MCC: variants seen among roughly 807,000 people sequenced by gnomAD.
The protein encoded by MCC is MCC regulator of Wnt signaling pathway.
A neutral mutation model predicts 116.2 loss-of-function variants in MCC; 90 were observed. The observed-to-expected ratio is 0.77, with a 90% CI of 0.65 to 0.92. The LOEUF (loss-of-function observed/expected upper bound fraction) is 0.92, where lower values mean the gene tolerates loss of function less well. Among genes scored for constraint, MCC ranks in the 40% least tolerant of loss-of-function variants. The pLI, the probability that MCC is intolerant of heterozygous loss-of-function variation, is 0.00. For missense variants in MCC, 1,516 were observed against 1,312.2 expected (o/e 1.16, Z -2.40); for synonymous variants, 578 against 510.5 (o/e 1.13, Z -1.78).
At chr5:113,474,391 G>A (rs675353) in intron 1 of MCC, among the ~76,000 whole-genome samples, 55,804 of 152,094 alleles carry the variant, frequency 0.37, 12,832 homozygotes, top group East Asian at 0.68. Context: ...GCGAGAGAAA[G>A]GCACTTACTG....
intron 4 of MCC, among the ~76,000 whole-genome samples, chr5:113,145,772 ACACACACACACAAACACACAC>A (rs1759471346): frequency 7.0e-5 from 1 of 14,242 alleles, no homozygotes; most frequent in Non-Finnish European, 1.9e-4. Flanking sequence ...ACACACACAC[ACACACACACACAAACACACAC>A]ACACACACAC....
At chr5:113,342,886 G>A (rs1047578464) in intron 2 of MCC, among the ~76,000 whole-genome samples, 16 of 152,312 alleles carry the variant, frequency 1.1e-4, no homozygotes, top group African/African-American at 3.6e-4. Context: ...CACAAACAAC[G>A]GTCTATGCAC....
At chr5:113,069,932 G>C (rs979385601) in intron 12 of MCC, among the ~76,000 whole-genome samples, 1 of 152,198 alleles carries the variant, frequency 6.6e-6, no homozygotes, top group Non-Finnish European at 1.5e-5. Context: ...TTAAGACAAA[G>C]GGCTGAAATG....
intron 3 of MCC, among the ~76,000 whole-genome samples, chr5:113,322,258 A>C (rs962999589): frequency 6.6e-6 from 1 of 152,210 alleles, no homozygotes; most frequent in East Asian, 1.9e-4. Context: ...TGGTGGGGAA[A>C]GTCTATAAGT....
intron 3 of MCC, among the ~76,000 whole-genome samples, chr5:113,327,559 A>ATATATATATATATATATATATATATAT (rs1186361820): frequency 1.2e-5 from 1 of 81,068 alleles, no homozygotes; most frequent in Non-Finnish European, 2.6e-5. Context: ...AAAAAAAAAA[A>ATATATATATATATATATATATATATAT]AAATATATAT....
intron 1 of MCC, among the ~76,000 whole-genome samples, chr5:113,402,914 C>G (rs1382003888): frequency 6.6e-6 from 1 of 152,116 alleles, no homozygotes; most frequent in Non-Finnish European, 1.5e-5. Flanking sequence ...TCTGCCTCAG[C>G]CTTCACACCC....
At chr5:113,413,071 G>A (rs183021773) in intron 1 of MCC, among the ~76,000 whole-genome samples, 143 of 152,268 alleles carry the variant, frequency 9.4e-4, no homozygotes, top group Admixed American at 2.0e-3. Context: ...GATGGATTAC[G>A]TTGATTGATT....
chr5:113,333,843 G>GTACATATATGTA (rs1561527876), intron 3 of MCC, among the ~76,000 whole-genome samples: 2 of 99,162 alleles, frequency 2.0e-5, no homozygotes, highest in African/African-American at 9.3e-5. Flanking sequence ...ATGTATATAT[G>GTACATATATGTA]TATATATGTA....
At chr5:113,250,386 A>T (rs1053343174) in intron 3 of MCC, among the ~76,000 whole-genome samples, 2 of 152,190 alleles carry the variant, frequency 1.3e-5, no homozygotes, top group African/African-American at 4.8e-5. Context: ...AGAAAAGGAG[A>T]TGTAGGAAAA....
At chr5:113,091,083 T>C (rs1177134162) in intron 8 of MCC, among the ~76,000 whole-genome samples, 2 of 152,134 alleles carry the variant, frequency 1.3e-5, no homozygotes, top group African/African-American at 4.8e-5. Context: ...GCTCGACCCA[T>C]AGGTGAAAAG....
chr5:113,259,635 A>C (rs1027320513), intron 3 of MCC, among the ~76,000 whole-genome samples: 1 of 152,196 alleles, frequency 6.6e-6, no homozygotes, highest in Non-Finnish European at 1.5e-5. Flanking sequence ...GAGTGCGGCC[A>C]GGAGAAGCAC....
At position 113,239,347 on chromosome 5, in the gene MCC, T is replaced by C. The variant is rs193287282; in HGVS notation, c.628-87925A>G. ...TCTCTTTCGGAGATAAATTGGGTAA[T>C]AGGAGTTTGGAATCCCAAAAGGGCA... On this transcript the variant is annotated intron_variant, in intron 3 of 18. Transcript: ENST00000408903. Among the ~76,000 whole-genome samples the C allele has an allele frequency of 4.4e-3, 667 of 152,244 alleles. 6 individuals carry two copies. The highest frequency in any genetic ancestry group is 0.015 in the African/African-American group (643 of 41,564).
chr5:113,313,449 A>G (rs1767188249), intron 3 of MCC, among the ~76,000 whole-genome samples: 1 of 152,222 alleles, frequency 6.6e-6, no homozygotes, highest in South Asian at 2.1e-4. Context: ...GCTTGAGGAA[A>G]TTATGGCTCC....
chr5:113,240,954 C>A (rs1005712138), intron 3 of MCC, among the ~76,000 whole-genome samples: 1 of 152,214 alleles, frequency 6.6e-6, no homozygotes, highest in African/African-American at 2.4e-5. Flanking sequence ...TTGCCCCATT[C>A]CACAACACTG....
chr5:113,070,414 C>CT, intron 12 of MCC, among the ~76,000 whole-genome samples: 1 of 152,128 alleles, frequency 6.6e-6, no homozygotes, highest in South Asian at 2.1e-4. Context: ...AAAAGTGGCC[C>CT]ATTCAAATTA....
intron 11 of MCC, among the ~76,000 whole-genome samples, chr5:113,073,439 G>A (rs138901040): frequency 3.3e-5 from 5 of 152,262 alleles, no homozygotes; most frequent in Non-Finnish European, 7.3e-5. Flanking sequence ...TTCCACATTC[G>A]AAAACCCTTT....
intron 3 of MCC, among the ~76,000 whole-genome samples, chr5:113,310,297 T>C (rs1388175028): frequency 6.6e-6 from 1 of 152,230 alleles, no homozygotes; most frequent in Non-Finnish European, 1.5e-5. Context: ...CATATGAGGA[T>C]ACAGTGTTCC....
rs539696966 is a variant in MCC at position 113,249,045 on chromosome 5, T to C, written c.627+91474A>G. Reference sequence around the variant, plus strand: ...TTTTAGTAGAGATGGGGTTTCACCATGTTGGTCAGGCTGGTCTCGAACTCC... The same window carrying C: ...TTTTAGTAGAGATGGGGTTTCACCACGTTGGTCAGGCTGGTCTCGAACTCC... On this transcript the variant is annotated intron_variant, in intron 3 of 18. Coordinates refer to ENST00000408903, the MANE Select transcript of MCC (RefSeq NM_001085377.2). 3.3e-5 allele frequency among the ~76,000 whole-genome samples: 5 copies of C among 152,196 alleles called. No individual in the cohort carries two copies. In the East Asian group the frequency reaches 9.7e-4, roughly 29 times the overall value.
At chr5:113,432,680 ATTG>A (rs1770697407) in intron 1 of MCC, 1 of 152,208 alleles carries the variant, frequency 6.6e-6, no homozygotes, top group African/African-American at 2.4e-5. Context: ...GCTTTTCACT[ATTG>A]TTACATTGTT....
Sources: gnomAD v4.1 joint callset for allele counts (sites outside exome capture counted in the v4.1 genomes callset) on GRCh38, gnomAD v4.1.1 for gene constraint, MANE v1.5 for transcripts, NCBI Gene and HGNC (gene_info 2026-07-23, HGNC 2026-07-21) for gene names.